Variants in DMXL1 observed in about 807,000 individuals in gnomAD.
The protein encoded by DMXL1 is dmX-like protein 1.
A neutral mutation model predicts 319.2 loss-of-function variants in DMXL1; 99 were observed. That is an observed-to-expected ratio of 0.31 (90% CI 0.26 to 0.37). The LOEUF (loss-of-function observed/expected upper bound fraction) is 0.37. DMXL1 is among the 10% of genes least tolerant of loss of function. DMXL1 has a pLI of 1.00. For synonymous variants in DMXL1, 1,385 were observed against 1,235.2 expected, an observed-to-expected ratio of 1.12 and a Z score of -2.54; for missense variants, 3,745 against 3,595.6, an observed-to-expected ratio of 1.04 and a Z score of -1.06.
At position 119,148,731 on chromosome 5, in the gene DMXL1, T is replaced by C. The variant is rs759034196; in HGVS notation, c.2912-8T>C. The C allele has an allele frequency of 8.2e-6, 13 of 1,591,124 alleles. No individual in the cohort carries two copies. In the Admixed American group the frequency reaches 8.8e-5, roughly 11 times the overall value. ...TGACATTTTGTTAACGGATTATTTT[T>C]ATTTTAGGACATCTGAGTTCATCTT... On this transcript the variant is annotated splice_region_variant and splice_polypyrimidine_tract_variant and intron_variant, in intron 17 of 43. Transcript: ENST00000539542.
rs1237041955 is a variant in DMXL1 at position 119,170,471 on chromosome 5, G to A, written c.5680G>A (p.Ala1894Thr). ...CAAGAAAACAAGACCTTTTTATAGG[G>A]CTTCTAGTTTTCTGGATACTAGTAA... Reference protein sequence around the residue: ...VIKKTRPFYRASSFLDTSKDC... With the variant: ...VIKKTRPFYRTSSFLDTSKDC... Residue 1894 changes from alanine (A) to threonine (T), a missense_variant, in exon 24 of 44, where the codon GCT (alanine) becomes ACT (threonine). By Grantham distance (58) the Ala-to-Thr change is moderately conservative. This residue lies in a region of DMXL1 where 1,382 missense variants were observed against 1,269.5 expected (regional missense o/e 1.09). Coordinates refer to ENST00000539542, the MANE Select transcript of DMXL1 (RefSeq NM_001290321.3). The A allele has an allele frequency of 1.9e-6, 3 of 1,613,564 alleles. No individual in the cohort carries two copies. The highest frequency in any genetic ancestry group is 1.7e-5 in the Admixed American group (1 of 59,924).
Position 119,239,005 on chromosome 5 carries a change from A to C in DMXL1, c.8576A>C (p.Asn2859Thr), listed in dbSNP as rs1349708073. The change falls in exon 41 of 44, where the codon AAC becomes ACC. Residue 2859 changes from asparagine to threonine, a missense_variant. Physicochemically the swap from Asn to Thr is moderately conservative, Grantham distance 65 (BLOSUM62 0). Transcript: ENST00000539542. ...PKPYLTWQCH[N>T]KTANDFVFVS... ...CCATTCCAGACTTGGCAGTGTCATAACAAAACAGCCAATGATTTTGTCTTC... is the reference window on the plus strand; with the variant it reads ...CCATTCCAGACTTGGCAGTGTCATACCAAAACAGCCAATGATTTTGTCTTC... 1 of 1,613,740 alleles carries C rather than the reference A, an allele frequency of 6.2e-7. No homozygotes were observed. Among genetic ancestry groups the C allele is most frequent in the Admixed American group, 1.7e-5 (1 of 60,002 alleles).
At chr5:119,117,656 G>T (rs1761137287) in intron 7 of DMXL1, among the ~76,000 whole-genome samples, 1 of 151,930 alleles carries the variant, frequency 6.6e-6, no homozygotes, top group African/African-American at 2.4e-5. Context: ...AAGAATGGTG[G>T]GAGAGAGAAG....
intron 19 of DMXL1, among the ~76,000 whole-genome samples, chr5:119,154,465 A>G (rs1770560885): frequency 6.6e-6 from 1 of 152,268 alleles, no homozygotes; most frequent in Admixed American, 6.5e-5. Flanking sequence ...CGAACTAGCC[A>G]CAAGATTCTC....
intron 9 of DMXL1, among the ~76,000 whole-genome samples, chr5:119,125,550 A>G (rs779575334): frequency 2.0e-5 from 3 of 152,042 alleles, no homozygotes; most frequent in South Asian, 2.1e-4. Flanking sequence ...GTGTGTATAT[A>G]TATATGTAAT....
At chr5:119,197,318 TG>T (rs1779817702) in intron 31 of DMXL1, among the ~76,000 whole-genome samples, 1 of 152,156 alleles carries the variant, frequency 6.6e-6, no homozygotes, top group Admixed American at 6.5e-5. Flanking sequence ...CAATAGATGA[TG>T]AGCTAAAAAG....
At chr5:119,106,426 T>C (rs1758359559) in intron 4 of DMXL1, among the ~76,000 whole-genome samples, 1 of 152,164 alleles carries the variant, frequency 6.6e-6, no homozygotes, top group African/African-American at 2.4e-5. Context: ...GAGCCATTTT[T>C]ACCATTCTAC....
At chr5:119,239,942 A>C (rs1788456482) in intron 41 of DMXL1, among the ~76,000 whole-genome samples, 1 of 136,644 alleles carries the variant, frequency 7.3e-6, no homozygotes, top group African/African-American at 2.7e-5. Context: ...AGGCAACAAG[A>C]GTGTAAAACT....
At chr5:119,109,769 G>T (rs1328173316) in intron 4 of DMXL1, among the ~76,000 whole-genome samples, 1 of 151,998 alleles carries the variant, frequency 6.6e-6, no homozygotes, top group African/African-American at 2.4e-5. Context: ...CTTCCTGTGG[G>T]CTTCCATAAA....
rs201965654 is a variant in DMXL1, at chr5:119,165,761, A to G, written c.4970+481A>G. Among the ~76,000 whole-genome samples the G allele has an allele frequency of 2.8e-4, 43 of 152,354 alleles. 1 individual carries two copies. The East Asian group carries it at 4.4e-3, about 16-fold the overall frequency. On this transcript the variant is annotated intron_variant, in intron 21 of 43. Transcript: ENST00000539542. ...GGGGAAACTCCTGTTTGTAAAACCA[A>G]CAAGTCTCTTGAGGCTTATTCACTA...
chr5:119,171,365 T>G (rs935686333), intron 24 of DMXL1, 85 bp downstream of exon 24: 6 of 1,342,436 alleles, frequency 4.5e-6, no homozygotes, highest in Non-Finnish European at 5.1e-6. Context: ...TACTAAGACT[T>G]GATTTTCTTT....
chr5:119,119,986 T>TA lies in DMXL1; in HGVS notation c.933+983dup, dbSNP rs1192359480. 2.0e-5 allele frequency among the ~76,000 whole-genome samples: 3 copies of TA among 151,712 alleles called. No homozygotes were observed. The East Asian group carries it at 5.9e-4, about 30-fold the overall frequency. ...ACCTCTGCTTCCCGGGTTCAAGCAG[T>TA]AGTCCCTCCTCAGCCTCCCGAGTAG... On this transcript the variant is annotated intron_variant, in intron 8 of 43. Transcript: ENST00000539542.
At chr5:119,116,964 G>T (rs1580793876) in intron 7 of DMXL1, among the ~76,000 whole-genome samples, 1 of 151,796 alleles carries the variant, frequency 6.6e-6, no homozygotes, top group East Asian at 1.9e-4. Context: ...ATTTTAGTAG[G>T]TTATAGAGAC....
At chr5:119,073,087 A>G (rs1750003555) in intron 1 of DMXL1, among the ~76,000 whole-genome samples, 1 of 152,200 alleles carries the variant, frequency 6.6e-6, no homozygotes, top group Non-Finnish European at 1.5e-5. Flanking sequence ...TTTTGAAATG[A>G]GGTCTCCCTC....
intron 1 of DMXL1, among the ~76,000 whole-genome samples, chr5:119,081,354 C>G (rs1752150684): frequency 6.6e-6 from 1 of 152,190 alleles, no homozygotes. Flanking sequence ...AAATAGCACT[C>G]TTCCTTGATT....
chr5:119,144,188 TATC>T (rs560442748), intron 14 of DMXL1, among the ~76,000 whole-genome samples: 122 of 151,930 alleles, frequency 8.0e-4, no homozygotes, highest in African/African-American at 2.8e-3. Flanking sequence ...TTAGAAATAT[TATC>T]ATATTACCAT....
Position 119,247,232 on chromosome 5 carries a change from A to G in DMXL1, c.*13A>G, listed in dbSNP as rs370042682. Reference sequence around the variant, plus strand: ...ATTTATGCTATAACATTTTTACAATAAGATGTACAATTTATTACCTATATG... The same window carrying G: ...ATTTATGCTATAACATTTTTACAATGAGATGTACAATTTATTACCTATATG... On this transcript the variant is annotated 3_prime_UTR_variant, in exon 44 of 44. Coordinates refer to ENST00000539542, the MANE Select transcript of DMXL1 (RefSeq NM_001290321.3). 1 of 1,583,728 alleles carries G rather than the reference A, an allele frequency of 6.3e-7. No homozygotes were observed. The highest frequency in any genetic ancestry group is 1.3e-5 in the African/African-American group (1 of 74,278).
intron 3 of DMXL1, among the ~76,000 whole-genome samples, chr5:119,102,534 A>G (rs535323100): frequency 1.3e-5 from 2 of 152,328 alleles, no homozygotes; most frequent in African/African-American, 2.4e-5. Context: ...AGCAGATTTT[A>G]TAGGTTCTTT....
chr5:119,116,506 T>C (rs1038662528), intron 7 of DMXL1, among the ~76,000 whole-genome samples, 170 bp downstream of exon 7: 1 of 152,202 alleles, frequency 6.6e-6, no homozygotes, highest in Non-Finnish European at 1.5e-5. Flanking sequence ...GGCTCAACTA[T>C]GTTTGATGCT....
Sources: allele counts gnomAD v4.1 joint callset (sites outside exome capture counted in the v4.1 genomes callset), GRCh38; gene constraint gnomAD v4.1.1; regional missense constraint gnomAD v4.1.1; transcripts MANE v1.5; gene names NCBI Gene and HGNC (gene_info 2026-07-23, HGNC 2026-07-21).